The following ECH1 variants were observed in gnomAD, a reference collection of about 807,000 sequenced individuals.
ECH1 encodes the protein delta(3,5)-Delta(2,4)-dienoyl-CoA isomerase, mitochondrial.
ECH1 carries 30 observed loss-of-function variants against 37.0 expected under a neutral mutation model. The observed-to-expected ratio is 0.81, with a 90% CI of 0.61 to 1.10. The LOEUF (loss-of-function observed/expected upper bound fraction) is 1.10. Among genes scored for constraint, ECH1 ranks in the 50% least tolerant of loss-of-function variants. The pLI is 0.00. For synonymous variants in ECH1, 178 were observed against 176.0 expected (o/e 1.01, Z -0.09); for missense variants, 456 against 441.6 (o/e 1.03, Z -0.29).
chr19:38,830,327 A>G (rs2145390896), intron 3 of ECH1, among the ~76,000 whole-genome samples: 1 of 152,288 alleles, frequency 6.6e-6, no homozygotes, highest in South Asian at 2.1e-4. Flanking sequence ...GCACGAAAGC[A>G]TGTTATTATA....
At position 38,815,542 on chromosome 19, in the gene ECH1, C is replaced by A. The variant is rs1971557078; in HGVS notation, c.*71G>T. Reference sequence around the variant, plus strand: ...AAGGCATAGAAACAACTGTCATCGCCCATCCTCCCTTTCTGTGGATGAGGC... The same window carrying A: ...AAGGCATAGAAACAACTGTCATCGCACATCCTCCCTTTCTGTGGATGAGGC... On this transcript the variant is annotated 3_prime_UTR_variant, in exon 10 of 10. Coordinates refer to ENST00000221418, the MANE Select transcript of ECH1 (RefSeq NM_001398.3). 1.4e-6 allele frequency: 2 copies of A among 1,450,092 alleles called. No homozygotes were observed. The highest frequency in any genetic ancestry group is 1.9e-6 in the Non-Finnish European group (2 of 1,034,180). 89.8% of individuals were successfully genotyped at this position (1,450,092 alleles called of 1,614,324 possible).
chr19:38,830,840 G>A, intron 3 of ECH1: 1 of 526,934 alleles, frequency 1.9e-6, no homozygotes, highest in Non-Finnish European at 3.4e-6. Flanking sequence ...GGGTGTGGTG[G>A]CCCACGCCTG....
At chr19:38,824,875 C>A (rs758114840) in intron 3 of ECH1, among the ~76,000 whole-genome samples, 1 of 152,168 alleles carries the variant, frequency 6.6e-6, no homozygotes. Context: ...GACCACAAAA[C>A]CCTCCTGGCT....
intron 3 of ECH1, chr19:38,819,221 GAGA>G: frequency 1.0e-6 from 1 of 985,422 alleles, no homozygotes; most frequent in African/African-American, 1.7e-5. Context: ...TCTTCTCATT[GAGA>G]AGGTGACCTT....
At position 38,815,529 on chromosome 19, in the gene ECH1, C is replaced by G. The variant is rs1266428436; in HGVS notation, c.*84G>C. The G allele has an allele frequency of 1.5e-6, 2 of 1,349,742 alleles. No individual in the cohort carries two copies. The highest frequency in any genetic ancestry group is 1.8e-4 in the Middle Eastern group (1 of 5,556). 83.6% of individuals were successfully genotyped at this position (1,349,742 alleles called of 1,614,324 possible). A position where few individuals can be genotyped will look rare whatever the true frequency, so the allele number is the denominator to read the frequency against. ...GAAACTGGGTCAGAAGGCATAGAAA[C>G]AACTGTCATCGCCCATCCTCCCTTT... On this transcript the variant is annotated 3_prime_UTR_variant, in exon 10 of 10. Coordinates refer to ENST00000221418, the MANE Select transcript of ECH1 (RefSeq NM_001398.3).
chr19:38,815,489 A>G lies in ECH1; in HGVS notation c.*124T>C. The G allele has an allele frequency of 3.4e-6, 3 of 895,032 alleles. No individual in the cohort carries two copies. The highest frequency in any genetic ancestry group is 5.3e-6 in the Non-Finnish European group (3 of 570,982). 55.4% of individuals were successfully genotyped at this position (895,032 alleles called of 1,614,324 possible). A position where few individuals can be genotyped will look rare whatever the true frequency, so the allele number is the denominator to read the frequency against. ...TTGGGCTTGAGAAACTCATTGTCAT[A>G]AAGTTATAAACTGGGAAACTGGGTC... On this transcript the variant is annotated 3_prime_UTR_variant, in exon 10 of 10. Transcript: ENST00000221418.
chr19:38,820,071 T>TTTTA (rs1181770259), intron 3 of ECH1: 1 of 786,172 alleles, frequency 1.3e-6, no homozygotes, highest in Non-Finnish European at 1.5e-6. Context: ...TTTTTTTTTT[T>TTTTA]TTTTTTTGAG....
At position 38,831,389 on chromosome 19, in the gene ECH1, C is replaced by T. The variant is rs780160618; in HGVS notation, c.180G>A (p.Val60=). 3 of 1,613,932 alleles carry T rather than the reference C, an allele frequency of 1.9e-6. No individual in the cohort carries two copies. The highest frequency in any genetic ancestry group is 2.2e-5 in the East Asian group (1 of 44,890). ...APDHSYESLR[V]TSAQKHVLHV... is the part of the protein sequence containing the mutation. Reference sequence around the variant, plus strand: ...GCAGAACATGTTTCTGCGCAGACGTCACACGAAGGGACTCATAGCTGTGGT... The same window carrying T: ...GCAGAACATGTTTCTGCGCAGACGTTACACGAAGGGACTCATAGCTGTGGT... Residue 60 remains valine, a synonymous_variant, in exon 2 of 10, where the codon GTG becomes GTA. Transcript: ENST00000221418.
chr19:38,822,046 C>T (rs915189911), intron 3 of ECH1, among the ~76,000 whole-genome samples: 3 of 152,152 alleles, frequency 2.0e-5, no homozygotes, highest in Non-Finnish European at 2.9e-5. Flanking sequence ...TTATGTCTAG[C>T]TAAGGGATTG....
At chr19:38,827,029 G>A (rs1415217206) in intron 3 of ECH1, among the ~76,000 whole-genome samples, 1 of 148,934 alleles carries the variant, frequency 6.7e-6, no homozygotes, top group Non-Finnish European at 1.5e-5. Context: ...TGGAGAGGGA[G>A]GACAGGGAGG....
In ECH1 at chr19:38,816,833, C is replaced by T. The variant is rs1971584139; in HGVS notation, c.588+232G>A. The T allele has an allele frequency of 1.4e-5, 9 of 635,448 alleles. No homozygotes were observed. In the Admixed American group the frequency reaches 2.5e-4, roughly 18 times the overall value. 39.4% of individuals were successfully genotyped at this position (635,448 alleles called of 1,614,324 possible). A position where few individuals can be genotyped will look rare whatever the true frequency, so the allele number is the denominator to read the frequency against. On this transcript the variant is annotated intron_variant, in intron 6 of 9. Transcript: ENST00000221418. ...CATCCCCCGGCTCCATCCTGCCTCC[C>T]ACCCTCACCAGTATGGCCCCAGGAG...
chr19:38,831,347 C>A lies in ECH1; in HGVS notation c.222G>T (p.Arg74=), dbSNP rs760150877. 1 of 1,613,228 alleles carries A rather than the reference C, an allele frequency of 6.2e-7. No individual in the cohort carries two copies. The highest frequency in any genetic ancestry group is 2.2e-5 in the East Asian group (1 of 44,868). Residue 74 remains arginine (R), a synonymous_variant, in exon 2 of 10, where the codon CGG becomes CGT. Transcript: ENST00000221418. The part of the protein sequence containing the change: ...QKHVLHVQLN[R]PNKRNAMNKV... The stretch of plus-strand genomic sequence containing the variant: ...TGTTCATGGCATTCCTCTTGTTGGG[C>A]CGGTTGAGCTGGACATGCAGAACAT...
intron 3 of ECH1, among the ~76,000 whole-genome samples, chr19:38,820,825 A>C (rs1971650600): frequency 6.6e-6 from 1 of 152,204 alleles, no homozygotes; most frequent in Admixed American, 6.5e-5. Context: ...TTCTGTTCTC[A>C]GACATGATCT....
intron 3 of ECH1, among the ~76,000 whole-genome samples, chr19:38,820,664 T>C (rs2145374788): frequency 6.6e-6 from 1 of 152,348 alleles, no homozygotes; most frequent in East Asian, 1.9e-4. Context: ...TTAGTAGTTC[T>C]ACTCTATCAC....
chr19:38,826,325 G>A (rs138523555), intron 3 of ECH1, among the ~76,000 whole-genome samples: 77 of 152,248 alleles, frequency 5.1e-4, no homozygotes, highest in African/African-American at 1.7e-3. Flanking sequence ...AAAAATGCCC[G>A]CCCATTACAA....
chr19:38,819,164 G>A, intron 3 of ECH1: 1 of 985,388 alleles, frequency 1.0e-6, no homozygotes, highest in Non-Finnish European at 1.2e-6. Flanking sequence ...AAGACAAGTG[G>A]AAATAGGATC....
At chr19:38,827,657 A>T (rs971918577) in intron 3 of ECH1, among the ~76,000 whole-genome samples, 2 of 151,842 alleles carry the variant, frequency 1.3e-5, no homozygotes, top group Non-Finnish European at 2.9e-5. Context: ...TTGCTGGGAG[A>T]TGTATGTTTT....
At position 38,815,582 on chromosome 19, in the gene ECH1, C is replaced by G. The variant is rs777784059; in HGVS notation, c.*31G>C. ...GTGGATGAGGCGGGACAAGGCCGGC[C>G]CCCTGGCTGGGGCCTGGGACGCGAG... On this transcript the variant is annotated 3_prime_UTR_variant, in exon 10 of 10. Transcript: ENST00000221418. 6.2e-7 allele frequency: 1 copy of G among 1,606,386 alleles called. No homozygotes were observed. The highest frequency in any genetic ancestry group is 1.7e-5 in the Admixed American group (1 of 59,800).
chr19:38,816,906 T>G, intron 6 of ECH1, 159 bp downstream of exon 6: 1 of 826,328 alleles, frequency 1.2e-6, no homozygotes, highest in Non-Finnish European at 1.9e-6. Context: ...CCTCATACCT[T>G]ACCCACTCAC....
Sources: allele counts gnomAD v4.1 joint callset (sites outside exome capture counted in the v4.1 genomes callset), GRCh38; gene constraint gnomAD v4.1.1; transcripts MANE v1.5; gene names NCBI Gene and HGNC (gene_info 2026-07-23, HGNC 2026-07-21).